LONRF1: variants seen among roughly 807,000 people sequenced by gnomAD.
LONRF1 encodes the protein LON peptidase N-terminal domain and RING finger protein 1.
A neutral mutation model predicts 85.8 loss-of-function variants in LONRF1; 37 were observed. That is an observed-to-expected ratio of 0.43 (90% CI 0.33 to 0.57). The LOEUF is 0.57. LONRF1 is among the 20% of genes least tolerant of loss of function. The pLI is 0.04. For synonymous variants in LONRF1, 517 were observed against 390.1 expected (o/e 1.33, Z -3.83); for missense variants, 1,036 against 978.0 (o/e 1.06, Z -0.79).
At chr8:12,753,210 C>G (rs1196786711) in intron 1 of LONRF1, 4 of 152,164 alleles carry the variant, frequency 2.6e-5, no homozygotes, top group African/African-American at 7.2e-5. Flanking sequence ...ACAAAAATCT[C>G]CGGGGTTTGT....
At position 12,755,001 on chromosome 8, in the gene LONRF1, G is replaced by A. The variant is rs1329795029; in HGVS notation, c.420C>T (p.His140=). The A allele has an allele frequency of 6.7e-7, 1 of 1,493,684 alleles. No individual in the cohort carries two copies. Among genetic ancestry groups the A allele is most frequent in the Non-Finnish European group, 8.9e-7 (1 of 1,128,398 alleles). 92.5% of individuals were successfully genotyped at this position (1,493,684 alleles called of 1,614,324 possible). Residue 140 remains histidine, a synonymous_variant, in exon 1 of 12, where the codon CAC becomes CAT. Coordinates refer to ENST00000398246, the MANE Select transcript of LONRF1 (RefSeq NM_152271.5). ...TCCGCAGGCAGCGGCGGCAGTAGCT[G>A]TGGCCACAGGGCACGGTCACCGGCT... ...LSEPVTVPCG[H]SYCRRCLRRE...
At chr8:12,753,362 T>C (rs1453059763) in intron 1 of LONRF1, 1 of 152,256 alleles carries the variant, frequency 6.6e-6, no homozygotes, top group East Asian at 1.9e-4. Flanking sequence ...CTAAAGTCAG[T>C]TGCTATTCTA....
At chr8:12,728,100 G>A (rs895082865) in intron 10 of LONRF1, among the ~76,000 whole-genome samples, 1 of 152,036 alleles carries the variant, frequency 6.6e-6, no homozygotes, top group African/African-American at 2.4e-5. Flanking sequence ...CGAAATGAAG[G>A]GCCTAAACAG....
chr8:12,742,900 G>GT (rs1360775801), intron 2 of LONRF1, among the ~76,000 whole-genome samples: 1 of 151,970 alleles, frequency 6.6e-6, no homozygotes. Context: ...TCATTTTTGT[G>GT]TTTTTTGTAG....
chr8:12,739,664 A>C (rs1175251106), intron 3 of LONRF1, among the ~76,000 whole-genome samples: 1 of 152,222 alleles, frequency 6.6e-6, no homozygotes, highest in Non-Finnish European at 1.5e-5. Context: ...GAAAAACAAA[A>C]TATTCTAAAG....
chr8:12,736,713 G>C lies in LONRF1; in HGVS notation c.1439C>G (p.Ser480Cys). ...TTTATATGCTTACCTCATGCAGAGA[G>C]AACACTCGAAATCTGAGACATCGAT... is the stretch of plus-strand genomic sequence containing the variant. Reference protein sequence around the residue: ...ELIDVSDFECSLCMRLFFEPV... With the variant: ...ELIDVSDFECCLCMRLFFEPV... The change falls in exon 6 of 12, where the codon TCT becomes TGT. Residue 480 changes from serine to cysteine, a missense_variant. By Grantham distance (112) the Ser-to-Cys change is moderately radical. Around this residue, in one of 3 missense-constraint regions of LONRF1, gnomAD observed 29 missense variants for 62.1 expected, o/e 0.47. Transcript: ENST00000398246. The C allele has an allele frequency of 6.2e-7, 1 of 1,607,552 alleles. No homozygotes were observed. Among genetic ancestry groups the C allele is most frequent in the Non-Finnish European group, 8.5e-7 (1 of 1,176,440 alleles).
At chr8:12,752,594 T>C (rs574029772) in intron 1 of LONRF1, among the ~76,000 whole-genome samples, 27 of 152,332 alleles carry the variant, frequency 1.8e-4, no homozygotes, top group African/African-American at 5.5e-4. Context: ...AAAATCCTCA[T>C]GTGCAATCTA....
intron 8 of LONRF1, among the ~76,000 whole-genome samples, chr8:12,729,994 A>G (rs1225282794): frequency 6.6e-6 from 1 of 152,350 alleles, no homozygotes; most frequent in East Asian, 1.9e-4. Context: ...ACATGGCTAC[A>G]GACAGCAGAA....
rs559128622 is a variant in LONRF1 at position 12,729,345 on chromosome 8, C to T, written c.1689-13G>A. 2 of 1,611,182 alleles carry T rather than the reference C, an allele frequency of 1.2e-6. No homozygotes were observed. Among genetic ancestry groups the T allele is most frequent in the East Asian group, 2.2e-5 (1 of 44,850 alleles). On this transcript the variant is annotated splice_polypyrimidine_tract_variant and intron_variant, in intron 8 of 11. Coordinates refer to ENST00000398246, the MANE Select transcript of LONRF1 (RefSeq NM_152271.5). ...ATTCTTGGTCAAGCTAAGGGAAAAA[C>T]AGTTTAATTATTAGAATTCATACAA...
At chr8:12,748,271 C>G (rs1799244401) in intron 1 of LONRF1, among the ~76,000 whole-genome samples, 1 of 152,160 alleles carries the variant, frequency 6.6e-6, no homozygotes, top group Non-Finnish European at 1.5e-5. Flanking sequence ...GTGGCATTAA[C>G]ATGGCTCACC....
intron 1 of LONRF1, 29 bp from the exon 2 acceptor site, chr8:12,743,311 T>C (rs1799014441): frequency 3.1e-6 from 4 of 1,280,026 alleles, no homozygotes; most frequent in Non-Finnish European, 4.5e-6. Context: ...AAGGATATGA[T>C]TATTTTTAAA....
At chr8:12,751,294 A>ATTTTTTTTTTTTTTTTT (rs1554469328) in intron 1 of LONRF1, among the ~76,000 whole-genome samples, 1 of 84,810 alleles carries the variant, frequency 1.2e-5, no homozygotes, top group African/African-American at 4.2e-5. Context: ...TTTTATTTTT[A>ATTTTTTTTTTTTTTTTT]TGTTTTTTTT....
chr8:12,751,082 A>T (rs1799366228), intron 1 of LONRF1, among the ~76,000 whole-genome samples: 1 of 152,106 alleles, frequency 6.6e-6, no homozygotes, highest in Admixed American at 6.5e-5. Context: ...GAGAGAGGCG[A>T]GGGCTGCGTC....
chr8:12,752,161 G>C (rs544776788), intron 1 of LONRF1, among the ~76,000 whole-genome samples: 9 of 152,154 alleles, frequency 5.9e-5, no homozygotes, highest in Non-Finnish European at 1.3e-4. Flanking sequence ...TTATAGTGAA[G>C]ATCTTTTTTC....
At chr8:12,745,891 G>A (rs924468712) in intron 1 of LONRF1, among the ~76,000 whole-genome samples, 7 of 152,170 alleles carry the variant, frequency 4.6e-5, no homozygotes, top group Admixed American at 2.6e-4. Flanking sequence ...AGGGACAGAT[G>A]TGCTAGTTGT....
At chr8:12,740,594 T>C (rs1409224246) in intron 3 of LONRF1, among the ~76,000 whole-genome samples, 2 of 152,170 alleles carry the variant, frequency 1.3e-5, no homozygotes, top group African/African-American at 4.8e-5. Flanking sequence ...GTGATAGTAA[T>C]GCTTAATTAA....
chr8:12,754,053 C>T (rs545286276), intron 1 of LONRF1: 30 of 152,282 alleles, frequency 2.0e-4, no homozygotes, highest in African/African-American at 6.3e-4. Context: ...AGCCCCAAGC[C>T]CGGCGGCCTG....
intron 6 of LONRF1, among the ~76,000 whole-genome samples, chr8:12,736,247 A>T (rs1798711063): frequency 6.6e-6 from 1 of 152,216 alleles, no homozygotes; most frequent in Non-Finnish European, 1.5e-5. Context: ...CATTCTGAAT[A>T]ATGGAAATCC....
In LONRF1 at chr8:12,731,862, A is replaced by C. The variant is rs748055940; in HGVS notation, c.1567-5T>G. On this transcript the variant is annotated splice_region_variant and splice_polypyrimidine_tract_variant and intron_variant, in intron 7 of 11. Coordinates refer to ENST00000398246, the MANE Select transcript of LONRF1 (RefSeq NM_152271.5). ...GTACCTCCTATCTGCTAGATACTAA[A>C]AGACAATATTATTTTACATTCCAGC... The C allele has an allele frequency of 6.2e-7, 1 of 1,606,822 alleles. No homozygotes were observed. The highest frequency in any genetic ancestry group is 8.5e-7 in the Non-Finnish European group (1 of 1,177,356).
Sources: allele counts gnomAD v4.1 joint callset (sites outside exome capture counted in the v4.1 genomes callset), GRCh38; gene constraint gnomAD v4.1.1; regional missense constraint gnomAD v4.1.1; transcripts MANE v1.5; gene names NCBI Gene and HGNC (gene_info 2026-07-23, HGNC 2026-07-21).